The following TRPM8 variants were observed in gnomAD, a reference collection of about 807,000 sequenced individuals.
TRPM8 encodes transient receptor potential cation channel subfamily M member 8.
A neutral mutation model predicts 133.7 loss-of-function variants in TRPM8; 110 were observed. The observed-to-expected ratio is 0.82, with a 90% CI of 0.70 to 0.96. The LOEUF (loss-of-function observed/expected upper bound fraction) is 0.96. Among genes scored for constraint, TRPM8 ranks in the 40% least tolerant of loss-of-function variants. The pLI is 0.00. For missense variants in TRPM8, 1,291 were observed against 1,379.5 expected, an observed-to-expected ratio of 0.94 and a Z score of 1.02; for synonymous variants, 535 against 532.3, an observed-to-expected ratio of 1.01 and a Z score of -0.07.
chr2:233,982,896 C>T (rs771664228), intron 19 of TRPM8, among the ~76,000 whole-genome samples, 157 bp from the exon 20 acceptor site: 4 of 152,122 alleles, frequency 2.6e-5, no homozygotes, highest in Non-Finnish European at 5.9e-5. Flanking sequence ...TGATGATGAC[C>T]GCTTTTGTCA....
chr2:233,923,558 A>G (rs571495998), intron 1 of TRPM8, among the ~76,000 whole-genome samples: 1 of 152,266 alleles, frequency 6.6e-6, no homozygotes, highest in East Asian at 1.9e-4. Flanking sequence ...GCAGGGCTCC[A>G]TGGGCCGGCA....
intron 25 of TRPM8, among the ~76,000 whole-genome samples, chr2:234,015,752 G>C (rs1290005460): frequency 1.3e-5 from 2 of 152,204 alleles, no homozygotes; most frequent in African/African-American, 2.4e-5. Flanking sequence ...GCCTTCTGAC[G>C]TGCTCAAGAA....
intron 17 of TRPM8, among the ~76,000 whole-genome samples, chr2:233,972,615 C>G (rs1044189580): frequency 1.4e-4 from 22 of 152,230 alleles, no homozygotes; most frequent in African/African-American, 5.3e-4. Context: ...CCCTGCCCCA[C>G]GGGAAGGCAG....
intron 3 of TRPM8, 40 bp downstream of exon 3, chr2:233,930,781 C>CA: frequency 2.8e-6 from 4 of 1,450,726 alleles, no homozygotes; most frequent in Non-Finnish European, 2.9e-6. Context: ...TTTCCAAGTT[C>CA]AAAAAAATTA....
At chr2:233,961,742 G>A (rs1462113079) in intron 12 of TRPM8, among the ~76,000 whole-genome samples, 5 of 149,292 alleles carry the variant, frequency 3.3e-5, no homozygotes, top group East Asian at 2.0e-4. Context: ...CGATTCTTCT[G>A]CCTCAGCTTC....
Position 233,930,736 on chromosome 2 carries a change from G to A in TRPM8, c.186G>A (p.Lys62=). 1 of 1,604,654 alleles carries A rather than the reference G, an allele frequency of 6.2e-7. No individual in the cohort carries two copies. The highest frequency in any genetic ancestry group is 8.5e-7 in the Non-Finnish European group (1 of 1,173,982). ...GTGTCTTCTTTACCAAAGATTCCAA[G>A]GCCACGTAAGCTACTATTTTCCCTC... The part of the protein sequence containing the change: ...RECVFFTKDS[K]ATENVCKCGY... Residue 62 remains lysine (K), a synonymous_variant, in exon 3 of 26, where the codon AAG becomes AAA. Transcript: ENST00000324695.
Position 233,947,668 on chromosome 2 carries a change from C to A in TRPM8, c.942+513C>A, listed in dbSNP as rs946288843. On this transcript the variant is annotated intron_variant, in intron 8 of 25. Coordinates refer to ENST00000324695, the MANE Select transcript of TRPM8 (RefSeq NM_024080.5). ...ATGGTTCTGCACCTGCAACACTGAG[C>A]AACTGAGCAAGAATTTGACTTCCCA... is the stretch of plus-strand genomic sequence containing the variant. 3 of 1,187,722 alleles carry A rather than the reference C, an allele frequency of 2.5e-6. No homozygotes were observed. The Admixed American group carries it at 6.9e-5, about 27-fold the overall frequency. The allele number at this position is 1,187,722 out of a possible 1,614,324, so 73.6% of individuals were successfully genotyped here. A position where few individuals can be genotyped will look rare whatever the true frequency, so the allele number is the denominator to read the frequency against.
At chr2:233,969,619 G>C in intron 15 of TRPM8, 76 bp from the exon 16 acceptor site, 1 of 860,254 alleles carries the variant, frequency 1.2e-6, no homozygotes, top group South Asian at 1.4e-5. Flanking sequence ...TGTGGGGCGG[G>C]GAAGAAAGTT....
Position 233,955,204 on chromosome 2 carries a change from T to C in TRPM8, c.1316T>C (p.Leu439Pro), listed in dbSNP as rs140612583. Residue 439 changes from leucine to proline, a missense_variant, in exon 11 of 26, where the codon CTG becomes CCG. Physicochemically the swap from Leu to Pro is moderately conservative, Grantham distance 98. Coordinates refer to ENST00000324695, the MANE Select transcript of TRPM8 (RefSeq NM_024080.5). ...AAGCTTCTGCTGGAGTGGAACCAGCTGGACTTAGCCAATGATGAGATTTTC... is the reference window on the plus strand; with the variant it reads ...AAGCTTCTGCTGGAGTGGAACCAGCCGGACTTAGCCAATGATGAGATTTTC... ...QLKLLLEWNQ[L>P]DLANDEIFTN... 6.0e-5 allele frequency: 97 copies of C among 1,614,178 alleles called. No individual in the cohort carries two copies. The highest frequency in any genetic ancestry group is 6.4e-5 in the Non-Finnish European group (75 of 1,180,018).
chr2:233,937,307 G>T, intron 3 of TRPM8, 46 bp from the exon 4 acceptor site: 1 of 1,605,492 alleles, frequency 6.2e-7, no homozygotes, highest in African/African-American at 1.3e-5. Context: ...CCATAAGCAG[G>T]CTCAATGAAA....
At chr2:233,942,427 C>A (rs1690932232) in intron 5 of TRPM8, 149 bp from the exon 6 acceptor site, 1 of 744,268 alleles carries the variant, frequency 1.3e-6, no homozygotes, top group South Asian at 1.7e-5. Context: ...TGTCTGAGGT[C>A]CCCTCTCCTT....
intron 3 of TRPM8, 127 bp from the exon 4 acceptor site, chr2:233,937,226 G>A: frequency 8.2e-7 from 1 of 1,221,104 alleles, no homozygotes; most frequent in South Asian, 1.5e-5. Context: ...CAACCAAGAT[G>A]ATGAAAACAG....
At chr2:233,921,826 A>C (rs1691418448) in intron 1 of TRPM8, among the ~76,000 whole-genome samples, 1 of 151,408 alleles carries the variant, frequency 6.6e-6, no homozygotes, top group Non-Finnish European at 1.5e-5. Flanking sequence ...GCCCGCCACC[A>C]CACCCAGCTA....
At chr2:233,931,991 G>A (rs999641842) in intron 3 of TRPM8, among the ~76,000 whole-genome samples, 1 of 152,178 alleles carries the variant, frequency 6.6e-6, no homozygotes, top group African/African-American at 2.4e-5. Flanking sequence ...ACTTGAGCCC[G>A]GGCTTTCTGA....
Position 233,980,296 on chromosome 2 carries a change from C to G in TRPM8, c.2447+17C>G. The G allele has an allele frequency of 1.3e-6, 2 of 1,547,718 alleles. No individual in the cohort carries two copies. The highest frequency in any genetic ancestry group is 1.2e-5 in the South Asian group (1 of 83,952). On this transcript the variant is annotated intron_variant, in intron 18 of 25. Coordinates refer to ENST00000324695, the MANE Select transcript of TRPM8 (RefSeq NM_024080.5). Reference sequence around the variant, plus strand: ...TGTATTTCGGTAAGTAGTCTCATCACTTTTCCTAATTTTCTGTGTTTTGAC... The same window carrying G: ...TGTATTTCGGTAAGTAGTCTCATCAGTTTTCCTAATTTTCTGTGTTTTGAC...
At position 234,017,767 on chromosome 2, in the gene TRPM8, T is replaced by C. The variant is rs201956701; in HGVS notation, c.*511T>C. The C allele has an allele frequency of 6.1e-6, 1 of 162,638 alleles. No individual in the cohort carries two copies. Among genetic ancestry groups the C allele is most frequent in the Non-Finnish European group, 1.3e-5 (1 of 75,146 alleles). 10.1% of individuals were successfully genotyped at this position (162,638 alleles called of 1,614,324 possible). A position where few individuals can be genotyped will look rare whatever the true frequency, so the allele number is the denominator to read the frequency against. On this transcript the variant is annotated 3_prime_UTR_variant, in exon 26 of 26. Coordinates refer to ENST00000324695, the MANE Select transcript of TRPM8 (RefSeq NM_024080.5). ...TCAAATTAGGCCAGATTCTAAAACA[T>C]GCTGCAGCAAGAGGACCCCGCTCTC...
In TRPM8 at chr2:234,017,560, G is replaced by T; in HGVS notation, c.*304G>T. On this transcript the variant is annotated 3_prime_UTR_variant, in exon 26 of 26. Transcript: ENST00000324695. ...TTGATAGTTTAAGTGTGTTCTTACC[G>T]CCTCCTTTTTCCTTTAATCTTATTT... 1 of 300,758 alleles carries T rather than the reference G, an allele frequency of 3.3e-6. No individual in the cohort carries two copies. Among genetic ancestry groups the T allele is most frequent in the South Asian group, 3.0e-5 (1 of 33,800 alleles). 18.6% of individuals were successfully genotyped at this position (300,758 alleles called of 1,614,324 possible).
intron 17 of TRPM8, among the ~76,000 whole-genome samples, chr2:233,978,091 T>G (rs1434622599): frequency 6.6e-6 from 1 of 152,130 alleles, no homozygotes; most frequent in Non-Finnish European, 1.5e-5. Flanking sequence ...CTTTTTTTTT[T>G]TTTTAGAATT....
At chr2:233,984,042 C>T (rs575576507) in intron 20 of TRPM8, among the ~76,000 whole-genome samples, 65 of 152,322 alleles carry the variant, frequency 4.3e-4, no homozygotes, top group African/African-American at 1.5e-3. Context: ...GTGCCTGCCG[C>T]TTTACAGAAG....
Sources: allele counts gnomAD v4.1 joint callset (sites outside exome capture counted in the v4.1 genomes callset), GRCh38; gene constraint gnomAD v4.1.1; transcripts MANE v1.5; gene names NCBI Gene and HGNC (gene_info 2026-07-23, HGNC 2026-07-21).